THUMPD2: variants seen among roughly 807,000 people sequenced by gnomAD.
The protein encoded by THUMPD2 is THUMP domain 2 tRNA and snRNA guanosine methyltransferase, also known as U6 snRNA (guanine-N(2))-methyltransferase THUMPD2.
Under a neutral mutation model 49.4 loss-of-function variants are expected in THUMPD2, and 56 were observed. That is an observed-to-expected ratio of 1.13 (90% confidence interval 0.91 to 1.41). The LOEUF (loss-of-function observed/expected upper bound fraction) is 1.41, where lower values mean the gene tolerates loss of function less well. THUMPD2 is among the 40% of genes most tolerant of loss of function. THUMPD2 has a pLI of 0.00. For synonymous variants in THUMPD2, 237 were observed against 205.2 expected, an observed-to-expected ratio of 1.15 and a Z score of -1.32; for missense variants, 709 against 594.5, an observed-to-expected ratio of 1.19 and a Z score of -2.00.
rs1488027815 is a variant in THUMPD2 at position 39,752,205 on chromosome 2, T to C, written c.1078+3090A>G. Among the ~76,000 whole-genome samples, 5 of 152,232 alleles carry C rather than the reference T, an allele frequency of 3.3e-5. No individual in the cohort carries two copies. The South Asian group carries it at 1.0e-3, about 32-fold the overall frequency. ...CTAATTCATGCTGTGTGTTACACAC[T>C]GTACTCTGTGTGTTTATGTAATAAA... On this transcript the variant is annotated intron_variant, in intron 8 of 9. Transcript: ENST00000505747.
intron 1 of THUMPD2, among the ~76,000 whole-genome samples, chr2:39,773,583 A>AATATATATATATTTATATTTTAAAAAT (rs1420508017): frequency 1.5e-5 from 2 of 134,044 alleles, no homozygotes; most frequent in East Asian, 2.0e-4. Context: ...ATATTTTAAA[A>AATATATATATATTTATATTTTAAAAAT]ATATATATAT....
chr2:39,767,414 C>A (rs1017095267), intron 4 of THUMPD2, among the ~76,000 whole-genome samples: 3 of 151,072 alleles, frequency 2.0e-5, no homozygotes, highest in Non-Finnish European at 4.4e-5. Flanking sequence ...ACCATCCCGG[C>A]TAAAACGGTG....
chr2:39,758,955 GAAGCTAAAAAGTCAGGATTTTTTT>G (rs1032737278), intron 6 of THUMPD2, among the ~76,000 whole-genome samples: 1 of 152,100 alleles, frequency 6.6e-6, no homozygotes, highest in African/African-American at 2.4e-5. Flanking sequence ...CATACCTTTT[GAAGCTAAAAAGTCAGGATTTTTTT>G]AAGCTAAAAA....
At chr2:39,757,485 AT>A in intron 6 of THUMPD2, 1 of 1,117,386 alleles carries the variant, frequency 8.9e-7, no homozygotes, top group Non-Finnish European at 1.2e-6. Flanking sequence ...AGAAGGAAAA[AT>A]TTAAATGCAA....
Position 39,739,530 on chromosome 2 carries a change from A to G in THUMPD2, c.1188-2471T>C, listed in dbSNP as rs192288554. 2.6e-5 allele frequency among the ~76,000 whole-genome samples: 4 copies of G among 152,346 alleles called. No individual in the cohort carries two copies. The East Asian group carries it at 7.7e-4, about 29-fold the overall frequency. On this transcript the variant is annotated intron_variant, in intron 9 of 9. Transcript: ENST00000505747. Reference sequence around the variant, plus strand: ...ACAGTACCAGTCATGATCTGACATTATCCAGTTTGTTTACTGATTAACCAT... The same window carrying G: ...ACAGTACCAGTCATGATCTGACATTGTCCAGTTTGTTTACTGATTAACCAT...
At chr2:39,769,169 G>T in intron 3 of THUMPD2, 2 of 1,103,854 alleles carry the variant, frequency 1.8e-6, no homozygotes, top group Non-Finnish European at 2.4e-6. Flanking sequence ...TATGGTATCA[G>T]GATTTCCAAA....
intron 9 of THUMPD2, among the ~76,000 whole-genome samples, chr2:39,739,778 T>C (rs527270591): frequency 8.3e-4 from 127 of 152,236 alleles, no homozygotes; most frequent in Non-Finnish European, 1.4e-3. Context: ...ACTGAGAGGA[T>C]AAACCCTTGC....
At chr2:39,771,422 A>G in intron 2 of THUMPD2, 83 bp downstream of exon 2, 1 of 1,373,332 alleles carries the variant, frequency 7.3e-7, no homozygotes, top group Non-Finnish European at 9.8e-7. Flanking sequence ...AAAGTGTAAA[A>G]TGGCTACATA....
At chr2:39,756,074 G>C in intron 6 of THUMPD2, 114 bp from the exon 7 acceptor site, 1 of 970,464 alleles carries the variant, frequency 1.0e-6, no homozygotes, top group East Asian at 2.6e-5. Context: ...ATTTTAAAGG[G>C]GTGGTGGCTG....
At chr2:39,766,402 A>AT (rs1285621906) in intron 4 of THUMPD2, among the ~76,000 whole-genome samples, 1 of 152,174 alleles carries the variant, frequency 6.6e-6, no homozygotes, top group Admixed American at 6.5e-5. Flanking sequence ...AGGAATTATC[A>AT]TAAGTGGACC....
chr2:39,754,983 C>T (rs978555964), intron 8 of THUMPD2, among the ~76,000 whole-genome samples: 2 of 152,092 alleles, frequency 1.3e-5, no homozygotes, highest in African/African-American at 4.8e-5. Context: ...TTCTTTATGG[C>T]TATTTTAAAC....
intron 6 of THUMPD2, among the ~76,000 whole-genome samples, chr2:39,759,036 G>T (rs911171578): frequency 6.6e-6 from 1 of 151,978 alleles, no homozygotes; most frequent in Non-Finnish European, 1.5e-5. Flanking sequence ...CTTGTAATTT[G>T]GAAGATAATG....
chr2:39,751,557 T>A (rs925248343), intron 8 of THUMPD2, among the ~76,000 whole-genome samples: 1 of 152,204 alleles, frequency 6.6e-6, no homozygotes, highest in African/African-American at 2.4e-5. Context: ...TCTGCAGATT[T>A]AAAAAAGCCT....
Position 39,736,847 on chromosome 2 carries a change from T to A in THUMPD2, c.1400A>T (p.Asp467Val). Residue 467 changes from aspartate (D) to valine (V), a missense_variant, in exon 10 of 10, where the codon GAC (aspartate) becomes GTC (valine). Physicochemically the swap from Asp to Val is radical, Grantham distance 152 (BLOSUM62 -3). Transcript: ENST00000505747. Reference sequence around the variant, plus strand: ...CAAGGAGCCAAATGGTGACATTCTGTCTAAGAATTTGTGGTTACTGGCTTC... The same window carrying A: ...CAAGGAGCCAAATGGTGACATTCTGACTAAGAATTTGTGGTTACTGGCTTC... ...SFEASNHKFLDRMSPFGSLVP... is the reference protein window; with the variant it reads ...SFEASNHKFLVRMSPFGSLVP... The A allele has an allele frequency of 6.2e-7, 1 of 1,614,202 alleles. No homozygotes were observed. The highest frequency in any genetic ancestry group is 8.5e-7 in the Non-Finnish European group (1 of 1,180,032).
intron 1 of THUMPD2, among the ~76,000 whole-genome samples, chr2:39,777,279 T>A (rs1232793932): frequency 6.6e-6 from 1 of 152,096 alleles, no homozygotes; most frequent in Non-Finnish European, 1.5e-5. Context: ...AAGTTACAAA[T>A]CCACTAAAGG....
At chr2:39,749,464 A>G (rs1469513651) in intron 8 of THUMPD2, among the ~76,000 whole-genome samples, 2 of 152,262 alleles carry the variant, frequency 1.3e-5, no homozygotes, top group Admixed American at 6.5e-5. Context: ...TATGAGCAAA[A>G]TAAATTTAGA....
intron 8 of THUMPD2, among the ~76,000 whole-genome samples, chr2:39,748,747 C>T (rs777838072): frequency 6.6e-6 from 1 of 151,698 alleles, no homozygotes; most frequent in African/African-American, 2.4e-5. Flanking sequence ...CCCAGCACTC[C>T]GGGAGGCTGA....
chr2:39,749,555 T>C (rs768651193), intron 8 of THUMPD2, among the ~76,000 whole-genome samples: 1 of 152,234 alleles, frequency 6.6e-6, no homozygotes, highest in Non-Finnish European at 1.5e-5. Flanking sequence ...ATGTGATAAA[T>C]TGTTGGCTTT....
At chr2:39,777,902 C>T (rs565797455) in intron 1 of THUMPD2, among the ~76,000 whole-genome samples, 1 of 151,898 alleles carries the variant, frequency 6.6e-6, no homozygotes, top group Non-Finnish European at 1.5e-5. Flanking sequence ...TTGGGCCAAG[C>T]TCTCTCTCTC....
Sources: allele counts gnomAD v4.1 joint callset (sites outside exome capture counted in the v4.1 genomes callset), GRCh38; gene constraint gnomAD v4.1.1; transcripts MANE v1.5; gene names NCBI Gene and HGNC (gene_info 2026-07-23, HGNC 2026-07-21).